PTPRD: variants seen among roughly 807,000 people sequenced by gnomAD.
The protein encoded by PTPRD is receptor-type tyrosine-protein phosphatase delta.
In PTPRD, 34 loss-of-function variants were observed where a neutral mutation model predicts 214.5. The observed-to-expected ratio is 0.16, with a 90% CI of 0.12 to 0.21. PTPRD has a LOEUF of 0.21. Ranked by LOEUF, PTPRD falls within the 10% of genes least tolerant of loss-of-function variation. The pLI is 1.00. For synonymous variants in PTPRD, 1,128 were observed against 845.7 expected (o/e 1.33, Z -5.79); for missense variants, 2,545 against 2,398.7 (o/e 1.06, Z -1.27).
intron 3 of PTPRD, among the ~76,000 whole-genome samples, chr9:10,153,423 G>T (rs2099074039): frequency 1.3e-5 from 2 of 151,046 alleles, no homozygotes; most frequent in South Asian, 4.2e-4. Flanking sequence ...TTAACCCAAA[G>T]ATTAAATGAT....
intron 9 of PTPRD, among the ~76,000 whole-genome samples, chr9:9,279,342 T>TA (rs1569567019): frequency 1.4e-5 from 2 of 145,160 alleles, no homozygotes; most frequent in Non-Finnish European, 3.0e-5. Context: ...ATACCTAAAT[T>TA]TATATATATA....
chr9:8,344,187 T>C (rs10815825), intron 39 of PTPRD, among the ~76,000 whole-genome samples: 13,093 of 152,134 alleles, frequency 0.086, 603 homozygotes, highest in Middle Eastern at 0.12. Flanking sequence ...ATTGTCTTCA[T>C]TGCAGCTGTG....
chr9:9,629,980 CT>C (rs113984434), intron 7 of PTPRD, among the ~76,000 whole-genome samples: 24,019 of 151,946 alleles, frequency 0.16, 2,743 homozygotes, highest in African/African-American at 0.33. Flanking sequence ...AGCAGCCTCC[CT>C]TTTTTTTCCA....
intron 2 of PTPRD, among the ~76,000 whole-genome samples, chr9:10,481,344 T>A (rs1378997726): frequency 6.6e-6 from 1 of 152,174 alleles, no homozygotes; most frequent in African/African-American, 2.4e-5. Flanking sequence ...TCCTATTGGA[T>A]TTTTTATGGA....
At position 8,671,310 on chromosome 9, in the gene PTPRD, T is replaced by C. The variant is rs139382730; in HGVS notation, c.65-34466A>G. The stretch of plus-strand genomic sequence containing the variant: ...AAATGAATTTAAAATACAACTAAAG[T>C]AAAATGAGAGTGGAAGGCATATAAA... On this transcript the variant is annotated intron_variant, in intron 12 of 45. Transcript: ENST00000381196. Among the ~76,000 whole-genome samples the C allele has an allele frequency of 3.3e-5, 5 of 152,088 alleles. No homozygotes were observed. The East Asian group carries it at 9.7e-4, about 29-fold the overall frequency.
chr9:9,136,665 G>A (rs2099851407), intron 10 of PTPRD, among the ~76,000 whole-genome samples: 1 of 152,122 alleles, frequency 6.6e-6, no homozygotes, highest in Admixed American at 6.5e-5. Flanking sequence ...GTGTTTCCAT[G>A]TAGTAGTTTA....
intron 10 of PTPRD, among the ~76,000 whole-genome samples, chr9:9,159,076 C>A (rs1267051245): frequency 1.3e-5 from 2 of 152,278 alleles, no homozygotes; most frequent in Middle Eastern, 3.4e-3. Flanking sequence ...AAAGGCTATG[C>A]ATGATAAATC....
intron 14 of PTPRD, among the ~76,000 whole-genome samples, chr9:8,549,336 G>T (rs905062668): frequency 7.2e-5 from 11 of 152,096 alleles, no homozygotes; most frequent in African/African-American, 2.7e-4. Context: ...AGCAGGCAGG[G>T]ATGATGTCAC....
intron 10 of PTPRD, among the ~76,000 whole-genome samples, chr9:9,030,076 C>G (rs952040093): frequency 6.6e-6 from 1 of 151,692 alleles, no homozygotes; most frequent in South Asian, 2.1e-4. Context: ...AGTGTGGGAT[C>G]ATGGAGCCTA....
chr9:9,349,816 C>A (rs1160705336), intron 9 of PTPRD, among the ~76,000 whole-genome samples: 3 of 151,820 alleles, frequency 2.0e-5, no homozygotes, highest in Admixed American at 6.6e-5. Context: ...GGGACAGAAT[C>A]TGCATTTCTC....
intron 3 of PTPRD, among the ~76,000 whole-genome samples, chr9:10,144,010 A>G (rs1397267837): frequency 1.3e-5 from 2 of 152,150 alleles, no homozygotes; most frequent in African/African-American, 4.8e-5. Flanking sequence ...ATCATTTAAT[A>G]AAACTTTGTA....
intron 5 of PTPRD, among the ~76,000 whole-genome samples, chr9:9,915,031 A>G (rs12340955): frequency 0.26 from 39,947 of 152,072 alleles, 6,212 homozygotes; most frequent in African/African-American, 0.42. Context: ...CCTGAAAAAT[A>G]GCCCGGTGAG....
At chr9:9,505,957 GA>G (rs528713997) in intron 8 of PTPRD, among the ~76,000 whole-genome samples, 52 of 150,856 alleles carry the variant, frequency 3.4e-4, no homozygotes, top group African/African-American at 1.2e-3. Context: ...TAAGTAGGCA[GA>G]AAAAAAATAA....
chr9:9,040,526 T>G (rs1003308321), intron 10 of PTPRD, among the ~76,000 whole-genome samples: 1 of 152,194 alleles, frequency 6.6e-6, no homozygotes, highest in East Asian at 1.9e-4. Flanking sequence ...CACTCTTGCA[T>G]AGAGAAATTG....
At chr9:8,342,019 C>G (rs1258271410) in intron 39 of PTPRD, 41 bp from the exon 40 acceptor site, 2 of 1,531,482 alleles carry the variant, frequency 1.3e-6, no homozygotes, top group South Asian at 1.3e-5. Context: ...ATAAACCTAT[C>G]AGAAAATCAA....
intron 11 of PTPRD, among the ~76,000 whole-genome samples, chr9:8,970,581 T>G (rs1305482666): frequency 6.6e-6 from 1 of 151,498 alleles, no homozygotes; most frequent in African/African-American, 2.4e-5. Context: ...CAATAAGCTA[T>G]TAAAAAAGAC....
intron 9 of PTPRD, among the ~76,000 whole-genome samples, chr9:9,258,907 AG>A (rs2099978913): frequency 6.6e-6 from 1 of 151,910 alleles, no homozygotes. Flanking sequence ...ATTTTTTTAA[AG>A]GCCTATTTTT....
intron 3 of PTPRD, among the ~76,000 whole-genome samples, chr9:10,042,434 G>C (rs2097313095): frequency 1.3e-5 from 2 of 151,872 alleles, no homozygotes; most frequent in South Asian, 4.2e-4. Flanking sequence ...AAACCTACCT[G>C]TCCAGACCAT....
intron 14 of PTPRD, among the ~76,000 whole-genome samples, chr9:8,620,780 C>A (rs559910688): frequency 1.3e-5 from 2 of 151,918 alleles, no homozygotes; most frequent in Non-Finnish European, 2.9e-5. Context: ...AAACATTGGG[C>A]AAAGTCCTTT....
Sources: allele counts gnomAD v4.1 joint callset (sites outside exome capture counted in the v4.1 genomes callset), GRCh38; gene constraint gnomAD v4.1.1; transcripts MANE v1.5; gene names NCBI Gene and HGNC (gene_info 2026-07-23, HGNC 2026-07-21).